NELL1: variants seen among roughly 807,000 people sequenced by gnomAD.
NELL1 encodes the protein protein kinase C-binding protein NELL1.
In NELL1, 76 loss-of-function variants were observed where a neutral mutation model predicts 107.4. The observed-to-expected ratio is 0.71, with a 90% CI of 0.59 to 0.86. NELL1 has a LOEUF of 0.86. Ranked by LOEUF, NELL1 falls within the 40% of genes least tolerant of loss-of-function variation. NELL1 has a pLI of 0.00. For synonymous variants in NELL1, 353 were observed against 341.2 expected, an observed-to-expected ratio of 1.03 and a Z score of -0.38; for missense variants, 1,024 against 1,005.5, an observed-to-expected ratio of 1.02 and a Z score of -0.25.
intron 4 of NELL1, among the ~76,000 whole-genome samples, chr11:20,869,221 G>A (rs1430173472): frequency 6.6e-6 from 1 of 152,102 alleles, no homozygotes; most frequent in African/African-American, 2.4e-5. Flanking sequence ...GTAATGCCCA[G>A]TCAGTTATAT....
intron 13 of NELL1, among the ~76,000 whole-genome samples, chr11:21,158,688 A>T (rs2133796519): frequency 6.6e-6 from 1 of 152,304 alleles, no homozygotes; most frequent in Non-Finnish European, 1.5e-5. Flanking sequence ...TTCATATCAT[A>T]TCTACATTTC....
At chr11:21,574,855 A>G (rs1013253293) in intron 19 of NELL1, 117 bp from the exon 20 acceptor site, 11 of 796,528 alleles carry the variant, frequency 1.4e-5, no homozygotes, top group Non-Finnish European at 2.3e-5. Context: ...GTCATTTTTT[A>G]TAGCCTTCTT....
chr11:21,073,425 T>C (rs564030993), intron 12 of NELL1, among the ~76,000 whole-genome samples: 1 of 152,302 alleles, frequency 6.6e-6, no homozygotes, highest in Admixed American at 6.5e-5. Context: ...TGGATATATA[T>C]GGACGTCAGC....
intron 14 of NELL1, among the ~76,000 whole-genome samples, chr11:21,232,159 A>AAAAAAATATATATATATAT (rs1554985116): frequency 1.2e-4 from 9 of 73,194 alleles, no homozygotes; most frequent in African/African-American, 4.6e-4. Context: ...AAAAAAAAAA[A>AAAAAAATATATATATATAT]ATATATATAT....
chr11:21,480,934 C>G (rs1362286683), intron 15 of NELL1, among the ~76,000 whole-genome samples: 2 of 152,138 alleles, frequency 1.3e-5, no homozygotes, highest in Non-Finnish European at 2.9e-5. Context: ...AACTTCTTTT[C>G]TGGTTTATGA....
chr11:21,260,548 A>G (rs1848507861), intron 14 of NELL1: 1 of 151,928 alleles, frequency 6.6e-6, no homozygotes, highest in Non-Finnish European at 1.5e-5. Flanking sequence ...TTAGGTATGC[A>G]CATTCTTATC....
intron 14 of NELL1, among the ~76,000 whole-genome samples, chr11:21,236,754 TATA>T (rs1858217260): frequency 6.6e-6 from 1 of 152,138 alleles, no homozygotes; most frequent in Non-Finnish European, 1.5e-5. Context: ...ATTCTGCAAT[TATA>T]ATATGAGCTA....
At chr11:21,071,570 C>A (rs552380553) in intron 12 of NELL1, among the ~76,000 whole-genome samples, 7 of 152,314 alleles carry the variant, frequency 4.6e-5, no homozygotes, top group African/African-American at 1.4e-4. Context: ...CTTCAATGCC[C>A]TTTTCATATC....
At position 21,113,766 on chromosome 11, in the gene NELL1, A is replaced by T. The variant is rs541592272; in HGVS notation, c.1426+52A>T. 4.0e-5 allele frequency: 64 copies of T among 1,585,088 alleles called. No individual in the cohort carries two copies. In the East Asian group the frequency reaches 1.3e-3, roughly 33 times the overall value. ...TTTTAATTCATCCATTCTCTGCACCATGTCTGTGTTATTATGTTTAATTCC... is the reference window on the plus strand; with the variant it reads ...TTTTAATTCATCCATTCTCTGCACCTTGTCTGTGTTATTATGTTTAATTCC... On this transcript the variant is annotated intron_variant, in intron 13 of 19. Transcript: ENST00000357134.
chr11:20,761,582 C>T (rs1367424672), intron 2 of NELL1, among the ~76,000 whole-genome samples: 2 of 152,114 alleles, frequency 1.3e-5, no homozygotes, highest in Non-Finnish European at 2.9e-5. Flanking sequence ...ACAAACAAAC[C>T]CACAACTTGG....
At chr11:21,074,194 T>C (rs1326247022) in intron 12 of NELL1, among the ~76,000 whole-genome samples, 7 of 152,126 alleles carry the variant, frequency 4.6e-5, no homozygotes, top group African/African-American at 7.2e-5. Flanking sequence ...CTATTAAAAA[T>C]ACATAATCTG....
intron 15 of NELL1, among the ~76,000 whole-genome samples, chr11:21,435,706 A>G (rs894660311): frequency 1.8e-4 from 28 of 151,714 alleles, no homozygotes; most frequent in African/African-American, 6.8e-4. Context: ...ATGTTGGTGT[A>G]TTGCTGGGTT....
intron 9 of NELL1, among the ~76,000 whole-genome samples, chr11:20,931,391 G>A (rs1488032692): frequency 6.6e-6 from 1 of 152,176 alleles, no homozygotes; most frequent in Non-Finnish European, 1.5e-5. Flanking sequence ...ATTTCTAGAT[G>A]TTTCCAATGT....
chr11:21,556,376 T>TA (rs1856708090), intron 16 of NELL1, among the ~76,000 whole-genome samples: 1 of 152,034 alleles, frequency 6.6e-6, no homozygotes, highest in Admixed American at 6.6e-5. Flanking sequence ...TTTGACCTGT[T>TA]ACCAAACTGT....
chr11:21,449,929 A>AC (rs1853536377), intron 15 of NELL1, among the ~76,000 whole-genome samples: 1 of 152,166 alleles, frequency 6.6e-6, no homozygotes, highest in Non-Finnish European at 1.5e-5. Flanking sequence ...TTAAACTAGT[A>AC]CCACATGAGT....
intron 5 of NELL1, among the ~76,000 whole-genome samples, chr11:20,911,069 A>G (rs775502605): frequency 3.3e-5 from 5 of 152,212 alleles, no homozygotes; most frequent in Non-Finnish European, 5.9e-5. Context: ...TTATGAGGAT[A>G]TGATTAAGAG....
chr11:21,166,621 A>G (rs187718635), intron 13 of NELL1, among the ~76,000 whole-genome samples: 44 of 151,908 alleles, frequency 2.9e-4, no homozygotes, highest in Non-Finnish European at 2.6e-4. Flanking sequence ...ATAAAATAAT[A>G]AAAAAGAGAC....
intron 5 of NELL1, 33 bp downstream of exon 5, chr11:20,885,573 T>C (rs1446126146): frequency 7.9e-7 from 1 of 1,273,856 alleles, no homozygotes; most frequent in Non-Finnish European, 1.1e-6. Context: ...TTGAAGTATA[T>C]ATATAGGCGA....
chr11:20,773,132 C>A (rs906725330), intron 2 of NELL1, among the ~76,000 whole-genome samples: 1 of 152,190 alleles, frequency 6.6e-6, no homozygotes, highest in African/African-American at 2.4e-5. Flanking sequence ...AACCCCTGCT[C>A]ACCTGCTCAA....
Sources: gnomAD v4.1 joint callset for allele counts (sites outside exome capture counted in the v4.1 genomes callset) on GRCh38, gnomAD v4.1.1 for gene constraint, MANE v1.5 for transcripts, NCBI Gene and HGNC (gene_info 2026-07-23, HGNC 2026-07-21) for gene names.